The following AFF2 variants were observed in gnomAD, a reference collection of about 807,000 sequenced individuals.
AFF2 encodes the protein ALF transcription elongation factor 2.
A neutral mutation model predicts 76.9 loss-of-function variants in AFF2; 14 were observed. That is an observed-to-expected ratio of 0.18 (90% CI 0.12 to 0.28). The LOEUF is 0.28. Among genes scored for constraint, AFF2 ranks in the 10% least tolerant of loss-of-function variants. The pLI is 1.00. For missense variants in AFF2, 868 were observed against 1,001.1 expected (o/e 0.87, Z 1.79); for synonymous variants, 398 against 366.7 (o/e 1.09, Z -0.98).
intron 1 of AFF2, among the ~76,000 whole-genome samples, chrX:148,596,755 T>C (rs1557247372): frequency 8.9e-6 from 1 of 112,574 alleles, no homozygotes; most frequent in Non-Finnish European, 1.9e-5. Context: ...GCATAATTGA[T>C]GTGACTAAAT....
Position 148,967,024 on chromosome X carries a change from C to T in AFF2, c.3148C>T (p.Leu1050Phe), listed in dbSNP as rs868915065. Residue 1050 changes from leucine (L) to phenylalanine (F), a missense_variant, in exon 14 of 21, where the codon CTT (leucine) becomes TTT (phenylalanine). Physicochemically the swap from Leu to Phe is conservative, Grantham distance 22 (BLOSUM62 0). Coordinates refer to ENST00000370460, the MANE Select transcript of AFF2 (RefSeq NM_002025.4). ...LEMTSWAALP[L>F]LSSSSTNVRR... is the part of the protein sequence containing the mutation. ...GATGACGTCCTGGGCGGCTCTGCCC[C>T]TTCTATCCAGCAGCAGCACTAATGT... is the stretch of plus-strand genomic sequence containing the variant. The T allele has an allele frequency of 8.3e-7, 1 of 1,211,643 alleles. No individual in the cohort carries two copies. Among genetic ancestry groups the T allele is most frequent in the East Asian group, 3.0e-5 (1 of 33,837 alleles).
intron 1 of AFF2, among the ~76,000 whole-genome samples, chrX:148,581,234 G>A (rs868946485): frequency 1.4e-5 from 1 of 69,636 alleles, no homozygotes; most frequent in Admixed American, 1.5e-4. Flanking sequence ...ATACGTATAC[G>A]TATACGTGTA....
chrX:148,799,042 G>A (rs1346300881), intron 3 of AFF2, among the ~76,000 whole-genome samples: 1 of 111,918 alleles, frequency 8.9e-6, no homozygotes, highest in African/African-American at 3.3e-5. Flanking sequence ...AAGATACTAA[G>A]TAAGGCCCAG....
At chrX:148,527,359 C>T (rs2052672573) in intron 1 of AFF2, among the ~76,000 whole-genome samples, 1 of 111,891 alleles carries the variant, frequency 8.9e-6, no homozygotes, top group Non-Finnish European at 1.9e-5. Context: ...GAGAAGTGCT[C>T]CAGGGTAAAG....
chrX:148,956,201 A>C lies in AFF2; in HGVS notation c.2156A>C (p.Asp719Ala). ...ATTGAAACAGATTCATCTACATCTG[A>C]CTCCAACACAGATCAGGAAGAGACC... ...EFIETDSSTS[D>A]SNTDQEETLQ... The change falls in exon 11 of 21, where the codon GAC becomes GCC. Residue 719 changes from aspartate to alanine, a missense_variant. By Grantham distance (126) the Asp-to-Ala change is moderately radical. Transcript: ENST00000370460. 1 of 1,210,947 alleles carries C rather than the reference A, an allele frequency of 8.3e-7. No individual in the cohort carries two copies. Among genetic ancestry groups the C allele is most frequent in the South Asian group, 1.8e-5 (1 of 56,846 alleles).
At chrX:148,774,871 A>G (rs1569555344) in intron 3 of AFF2, among the ~76,000 whole-genome samples, 1 of 112,213 alleles carries the variant, frequency 8.9e-6, no homozygotes. Flanking sequence ...TTGTTTTATC[A>G]TGTAATGAAC....
intron 3 of AFF2, among the ~76,000 whole-genome samples, chrX:148,721,412 T>C (rs782017032): frequency 1.8e-5 from 2 of 112,205 alleles, no homozygotes; most frequent in South Asian, 7.5e-4. Context: ...CTCTACCTCA[T>C]AGTGTCATTG....
intron 7 of AFF2, among the ~76,000 whole-genome samples, chrX:148,878,826 G>A (rs2071064900): frequency 8.9e-6 from 1 of 112,367 alleles, no homozygotes; most frequent in Non-Finnish European, 1.9e-5. Flanking sequence ...GTTTCGTTGT[G>A]AGTAACATTT....
At chrX:148,870,592 T>A (rs932400091) in intron 7 of AFF2, among the ~76,000 whole-genome samples, 4 of 111,911 alleles carry the variant, frequency 3.6e-5, no homozygotes, top group African/African-American at 1.3e-4. Flanking sequence ...TTCCACTAAA[T>A]CACAGTTTTC....
intron 7 of AFF2, among the ~76,000 whole-genome samples, chrX:148,876,394 T>G (rs113107205): frequency 0.017 from 1,943 of 111,321 alleles, 53 homozygotes; most frequent in African/African-American, 0.059. Flanking sequence ...CAATTAGCTT[T>G]GCAAAGTGGA....
Position 148,521,404 on chromosome X carries a change from ACACACACT to A in AFF2, c.47+20264_47+20271del, listed in dbSNP as rs1341618389. 2.7e-3 allele frequency among the ~76,000 whole-genome samples: 161 copies of A among 60,132 alleles called. 2 individuals carry two copies. Among genetic ancestry groups the A allele is most frequent in the African/African-American group, 8.9e-3 (140 of 15,765 alleles). The allele number at this position is 60,132 out of a possible 115,157, so 52.2% of individuals were successfully genotyped here. On this transcript the variant is annotated intron_variant, in intron 1 of 20. Transcript: ENST00000370460. The stretch of plus-strand genomic sequence containing the variant: ...CACACACACACACACACACACACAC[ACACACACT>A]CACTGAGACTTTTGCCTGGATCTTG...
chrX:148,514,152 C>T (rs1338057043), intron 1 of AFF2, among the ~76,000 whole-genome samples: 1 of 111,425 alleles, frequency 9.0e-6, no homozygotes, highest in East Asian at 2.8e-4. Context: ...TTGATAGGCA[C>T]GCATTTGTTT....
intron 4 of AFF2, among the ~76,000 whole-genome samples, chrX:148,810,519 C>T (rs2070189947): frequency 8.9e-6 from 1 of 112,225 alleles, no homozygotes; most frequent in Non-Finnish European, 1.9e-5. Context: ...GCAAGAAAAA[C>T]ATATCTGTCT....
At chrX:148,679,313 A>C (rs782318771) in intron 3 of AFF2, among the ~76,000 whole-genome samples, 5 of 108,058 alleles carry the variant, frequency 4.6e-5, no homozygotes, top group African/African-American at 1.7e-4. Context: ...TAAACATGAT[A>C]CAAGAGGAAA....
intron 1 of AFF2, among the ~76,000 whole-genome samples, chrX:148,523,423 A>C (rs1199435880): frequency 8.9e-6 from 1 of 112,075 alleles, no homozygotes; most frequent in Non-Finnish European, 1.9e-5. Context: ...AACTCTAAAA[A>C]GTTTGTTAAT....
At chrX:148,977,018 G>C (rs1264660790) in intron 16 of AFF2, among the ~76,000 whole-genome samples, 1 of 112,116 alleles carries the variant, frequency 8.9e-6, no homozygotes, top group Non-Finnish European at 1.9e-5. Flanking sequence ...GAAGGTTGCT[G>C]AAAGCGAGGA....
chrX:148,950,608 T>C (rs1329150123), intron 9 of AFF2, among the ~76,000 whole-genome samples: 1 of 111,933 alleles, frequency 8.9e-6, no homozygotes, highest in Non-Finnish European at 1.9e-5. Flanking sequence ...GTTCTTCCTA[T>C]ACTAATTTCC....
intron 7 of AFF2, among the ~76,000 whole-genome samples, chrX:148,850,802 A>G (rs1027570390): frequency 8.9e-5 from 10 of 111,938 alleles, no homozygotes; most frequent in Non-Finnish European, 1.5e-4. Flanking sequence ...ATATTTTCCT[A>G]AAGTCCTCCA....
At chrX:148,906,383 G>A (rs1405919039) in intron 9 of AFF2, among the ~76,000 whole-genome samples, 1 of 111,594 alleles carries the variant, frequency 9.0e-6, no homozygotes, top group Non-Finnish European at 1.9e-5. Flanking sequence ...TTCCCATTGA[G>A]AGGGGGACTG....
Sources: gnomAD v4.1 joint callset for allele counts (sites outside exome capture counted in the v4.1 genomes callset) on GRCh38, gnomAD v4.1.1 for gene constraint, MANE v1.5 for transcripts, NCBI Gene and HGNC (gene_info 2026-07-23, HGNC 2026-07-21) for gene names.